Variants in TNPO1 observed in about 807,000 individuals in gnomAD.
TNPO1 encodes the protein transportin-1.
Under a neutral mutation model 119.5 loss-of-function variants are expected in TNPO1, and 8 were observed. The ratio of observed to expected loss-of-function variants is 0.07; its 90% confidence interval spans 0.04 to 0.12. TNPO1 has a LOEUF of 0.12. TNPO1 is among the 10% of genes least tolerant of loss of function. TNPO1 has a pLI of 1.00. For missense variants in TNPO1, 576 were observed against 1,089.8 expected (o/e 0.53, Z 6.64); for synonymous variants, 362 against 363.0 (o/e 1.00, Z 0.03).
Position 72,906,275 on chromosome 5 carries a change from C to CTTTTTTTTTTTTTTTTTTT in TNPO1, c.*35+850_*35+868dup, listed in dbSNP as rs869051297. The stretch of plus-strand genomic sequence containing the variant: ...CCATGTGCCCATCACTTTTTTTTTT[C>CTTTTTTTTTTTTTTTTTTT]TTTTTTTTTTTTTTTTTTTTTTTTT... On this transcript the variant is annotated intron_variant, in intron 24 of 24. Coordinates refer to ENST00000337273, the MANE Select transcript of TNPO1 (RefSeq NM_002270.4). Among the ~76,000 whole-genome samples the CTTTTTTTTTTTTTTTTTTT allele has an allele frequency of 4.2e-4, 23 of 54,686 alleles. 2 individuals are homozygous for CTTTTTTTTTTTTTTTTTTT. The highest frequency in any genetic ancestry group is 1.0e-3 in the African/African-American group (15 of 14,696). 35.9% of individuals were successfully genotyped at this position (54,686 alleles called of 152,430 possible).
chr5:72,855,425 C>T (rs1160731617), intron 3 of TNPO1, among the ~76,000 whole-genome samples: 1 of 152,144 alleles, frequency 6.6e-6, no homozygotes, highest in Non-Finnish European at 1.5e-5. Flanking sequence ...TGGTTCTCAA[C>T]CACTGGCAAT....
rs1157994412 is a variant in TNPO1, at chr5:72,910,882, G to C, written c.*2209G>C. 6.6e-6 allele frequency: 1 copy of C among 151,964 alleles called. No homozygotes were observed. The highest frequency in any genetic ancestry group is 1.9e-4 in the East Asian group (1 of 5,194). The allele number at this position is 151,964 out of a possible 1,614,324, so 9.4% of individuals were successfully genotyped here. Reference sequence around the variant, plus strand: ...GGCTTTGCAAATTTCAGTCTGTAGAGCCTGAAATTAAATTATTTTATAGTG... The same window carrying C: ...GGCTTTGCAAATTTCAGTCTGTAGACCCTGAAATTAAATTATTTTATAGTG... On this transcript the variant is annotated 3_prime_UTR_variant, in exon 25 of 25. Coordinates refer to ENST00000337273, the MANE Select transcript of TNPO1 (RefSeq NM_002270.4).
intron 6 of TNPO1, among the ~76,000 whole-genome samples, chr5:72,869,572 C>G (rs890609871): frequency 1.3e-5 from 2 of 151,816 alleles, no homozygotes; most frequent in African/African-American, 4.8e-5. Flanking sequence ...GACAGTTTTA[C>G]CTTATAAAAA....
intron 1 of TNPO1, among the ~76,000 whole-genome samples, chr5:72,819,979 C>T (rs1410739398): frequency 6.6e-6 from 1 of 152,008 alleles, no homozygotes; most frequent in Non-Finnish European, 1.5e-5. Flanking sequence ...TATAGAAAAC[C>T]ATAAAATAAA....
intron 1 of TNPO1, among the ~76,000 whole-genome samples, chr5:72,819,084 A>G (rs1743829406): frequency 6.6e-6 from 1 of 152,168 alleles, no homozygotes; most frequent in Non-Finnish European, 1.5e-5. Flanking sequence ...GAAGAGGTTT[A>G]TTATTTAGCT....
chr5:72,850,123 T>C (rs897445242), intron 2 of TNPO1, among the ~76,000 whole-genome samples: 1 of 152,182 alleles, frequency 6.6e-6, no homozygotes, highest in Non-Finnish European at 1.5e-5. Context: ...CAGAGTGCCT[T>C]ATTTTGTTTC....
At chr5:72,905,890 C>A (rs1750107658) in intron 24 of TNPO1, among the ~76,000 whole-genome samples, 1 of 152,100 alleles carries the variant, frequency 6.6e-6, no homozygotes, top group African/African-American at 2.4e-5. Flanking sequence ...GAGCAAGACT[C>A]CATCTCAAAT....
In TNPO1 at chr5:72,816,849, G is replaced by T. The variant is rs974629370; in HGVS notation, c.15+97G>T. 2.1e-5 allele frequency: 29 copies of T among 1,406,626 alleles called. No homozygotes were observed. The Admixed American group carries it at 5.1e-4, about 25-fold the overall frequency. 87.1% of individuals were successfully genotyped at this position (1,406,626 alleles called of 1,614,324 possible). A position where few individuals can be genotyped will look rare whatever the true frequency, so the allele number is the denominator to read the frequency against. On this transcript the variant is annotated intron_variant, in intron 1 of 24. Transcript: ENST00000337273. The stretch of plus-strand genomic sequence containing the variant: ...GACGCGCCTACGGGAGAGACGCCGG[G>T]CTCGCCCGCTCTCTCGGCGCCTGCC...
At chr5:72,897,971 C>T (rs1217220761) in intron 20 of TNPO1, among the ~76,000 whole-genome samples, 7 of 151,926 alleles carry the variant, frequency 4.6e-5, no homozygotes, top group Admixed American at 2.0e-4. Context: ...ATAGAAAGTT[C>T]ATTTTATTCT....
chr5:72,825,580 G>A (rs1472176439), intron 1 of TNPO1, among the ~76,000 whole-genome samples: 2 of 152,122 alleles, frequency 1.3e-5, no homozygotes, highest in African/African-American at 4.8e-5. Flanking sequence ...CCAGCTACTC[G>A]GGAGGCTGAG....
At chr5:72,816,909 G>C in intron 1 of TNPO1, 157 bp downstream of exon 1, 2 of 914,002 alleles carry the variant, frequency 2.2e-6, no homozygotes, top group East Asian at 6.3e-5. Flanking sequence ...CGGCGGCGCG[G>C]TTCTAACCCC....
chr5:72,831,765 G>T (rs965906198), intron 1 of TNPO1, among the ~76,000 whole-genome samples: 1 of 151,688 alleles, frequency 6.6e-6, no homozygotes. Context: ...AAGATTTTTT[G>T]TTTTCAGTGT....
At chr5:72,840,072 C>T (rs465388) in intron 1 of TNPO1, among the ~76,000 whole-genome samples, 124,991 of 152,154 alleles carry the variant, frequency 0.82, 51,604 homozygotes, top group Non-Finnish European at 0.86. Context: ...TCAAGAGAGC[C>T]GTTGAATTAT....
chr5:72,904,864 TCA>T (rs1284887458), intron 23 of TNPO1, among the ~76,000 whole-genome samples: 2 of 152,134 alleles, frequency 1.3e-5, no homozygotes, highest in Non-Finnish European at 2.9e-5. Context: ...TTAATTCGAC[TCA>T]CAGTTCCATG....
intron 7 of TNPO1, 37 bp downstream of exon 7, chr5:72,872,757 C>T: frequency 1.7e-6 from 2 of 1,183,510 alleles, no homozygotes; most frequent in Non-Finnish European, 2.3e-6. Flanking sequence ...AACCCCCCAG[C>T]TTTTTTTTTT....
intron 4 of TNPO1, among the ~76,000 whole-genome samples, chr5:72,859,034 A>AC (rs200995024): frequency 8.5e-5 from 4 of 46,894 alleles, no homozygotes; most frequent in Non-Finnish European, 1.2e-4. Flanking sequence ...CTAGGAACAT[A>AC]TTTTTAAGTG....
chr5:72,828,042 G>A (rs1744284207), intron 1 of TNPO1, among the ~76,000 whole-genome samples: 1 of 152,078 alleles, frequency 6.6e-6, no homozygotes, highest in Non-Finnish European at 1.5e-5. Flanking sequence ...TTTTAATGTT[G>A]CAGACTGATG....
At chr5:72,867,845 C>G (rs898116934) in intron 6 of TNPO1, among the ~76,000 whole-genome samples, 2 of 152,222 alleles carry the variant, frequency 1.3e-5, no homozygotes, top group Non-Finnish European at 2.9e-5. Context: ...TTTGACTCCT[C>G]TGTAATATTC....
chr5:72,852,040 T>G (rs115978934), intron 3 of TNPO1, among the ~76,000 whole-genome samples: 2,655 of 152,328 alleles, frequency 0.017, 42 homozygotes, highest in Non-Finnish European at 0.022. Flanking sequence ...ATGATTATTG[T>G]TGATCTCTTC....
Sources: gnomAD v4.1 joint callset for allele counts (sites outside exome capture counted in the v4.1 genomes callset) on GRCh38, gnomAD v4.1.1 for gene constraint, MANE v1.5 for transcripts, NCBI Gene and HGNC (gene_info 2026-07-23, HGNC 2026-07-21) for gene names.